The following AGMO variants were observed in gnomAD, a reference collection of about 807,000 sequenced individuals.
AGMO encodes the protein glyceryl-ether monooxygenase.
AGMO carries 75 observed loss-of-function variants against 60.2 expected under a neutral mutation model. That is an observed-to-expected ratio of 1.25 (90% confidence interval 1.03 to 1.51). The LOEUF (loss-of-function observed/expected upper bound fraction) is 1.51, where lower values mean the gene tolerates loss of function less well. Among genes scored for constraint, AGMO ranks in the 40% most tolerant of loss-of-function variants. The pLI is 0.00. For synonymous variants in AGMO, 261 were observed against 177.1 expected, an observed-to-expected ratio of 1.47 and a Z score of -3.76; for missense variants, 763 against 525.5, an observed-to-expected ratio of 1.45 and a Z score of -4.42.
chr7:15,237,354 G>A (rs1053836124), intron 12 of AGMO, among the ~76,000 whole-genome samples: 2 of 152,110 alleles, frequency 1.3e-5, no homozygotes, highest in African/African-American at 4.8e-5. Context: ...AGAAGCTCAT[G>A]CAGGCTTTCT....
At chr7:15,392,309 C>G (rs1257228379) in intron 6 of AGMO, among the ~76,000 whole-genome samples, 1 of 121,862 alleles carries the variant, frequency 8.2e-6, no homozygotes, top group Non-Finnish European at 1.7e-5. Flanking sequence ...CTCCTGACCT[C>G]GTGATCCGCG....
chr7:15,206,606 A>G (rs1339076751), intron 12 of AGMO, among the ~76,000 whole-genome samples: 5 of 152,158 alleles, frequency 3.3e-5, no homozygotes, highest in Admixed American at 3.3e-4. Context: ...CAATGTAAAA[A>G]GAAAGTTCAT....
intron 12 of AGMO, among the ~76,000 whole-genome samples, chr7:15,354,706 T>C (rs1782453326): frequency 6.7e-6 from 1 of 149,840 alleles, no homozygotes; most frequent in South Asian, 2.1e-4. Context: ...AGTTAGAAGT[T>C]AAGAAAGAAG....
rs541197652 is a variant in AGMO at position 15,366,867 on chromosome 7, G to T, written c.1075-645C>A. On this transcript the variant is annotated intron_variant, in intron 10 of 12. Coordinates refer to ENST00000342526, the MANE Select transcript of AGMO (RefSeq NM_001004320.2). ...GACTTTGAGCCAAGGGAAAGAATGA[G>T]TACTATCTTTCCAGGTATCTTAAGG... Among the ~76,000 whole-genome samples, 4 of 152,098 alleles carry T rather than the reference G, an allele frequency of 2.6e-5. No individual in the cohort carries two copies. In the East Asian group the frequency reaches 7.7e-4, roughly 29 times the overall value.
intron 3 of AGMO, among the ~76,000 whole-genome samples, chr7:15,467,696 A>G (rs561043520): frequency 1.2e-4 from 18 of 152,170 alleles, no homozygotes; most frequent in Non-Finnish European, 2.2e-4. Context: ...AATAACATGT[A>G]TCTGTATTTT....
chr7:15,193,951 A>C, the AGMO span, among the ~76,000 whole-genome samples: 1 of 152,192 alleles, frequency 6.6e-6, no homozygotes, highest in African/African-American at 2.4e-5. Flanking sequence ...TTAAATTTTC[A>C]CAATATACCT....
intron 12 of AGMO, among the ~76,000 whole-genome samples, chr7:15,239,129 C>T (rs1782513862): frequency 6.6e-6 from 1 of 152,052 alleles, no homozygotes; most frequent in Admixed American, 6.5e-5. Context: ...TGCCTGCTCT[C>T]CAAGCACCAT....
intron 12 of AGMO, among the ~76,000 whole-genome samples, chr7:15,253,374 C>T (rs933331713): frequency 1.3e-5 from 2 of 151,954 alleles, no homozygotes; most frequent in Admixed American, 1.3e-4. Flanking sequence ...GGGAGTAAGA[C>T]TATCAGCTAA....
At chr7:15,546,793 C>T (rs539274057) in intron 2 of AGMO, among the ~76,000 whole-genome samples, 8 of 152,350 alleles carry the variant, frequency 5.3e-5, no homozygotes, top group African/African-American at 1.4e-4. Flanking sequence ...AGAACAAATT[C>T]TACTGTAAAT....
At chr7:15,222,010 G>A (rs546236087) in intron 12 of AGMO, among the ~76,000 whole-genome samples, 1 of 152,076 alleles carries the variant, frequency 6.6e-6, no homozygotes, top group East Asian at 1.9e-4. Context: ...CTTATGATTA[G>A]TTATTCAGTT....
At position 15,431,057 on chromosome 7, in the gene AGMO, T is replaced by C. The variant is rs1329943212; in HGVS notation, c.461A>G (p.Tyr154Cys). ...GHQTHHSSED[Y>C]NLSTALRQSV... Reference sequence around the variant, plus strand: ...CTGTCTCAGTGCTGTGGATAAGTTATAGTCTTCAGAACTATGATGTGTTTG... The same window carrying C: ...CTGTCTCAGTGCTGTGGATAAGTTACAGTCTTCAGAACTATGATGTGTTTG... The change falls in exon 4 of 13, where the codon TAT (tyrosine) becomes TGT (cysteine). Residue 154 changes from tyrosine to cysteine, a missense_variant. Transcript: ENST00000342526. 3.1e-6 allele frequency: 5 copies of C among 1,611,448 alleles called. No individual in the cohort carries two copies. Among genetic ancestry groups the C allele is most frequent in the Non-Finnish European group, 3.4e-6 (4 of 1,178,292 alleles).
At chr7:15,485,748 T>C (rs753984839) in intron 3 of AGMO, among the ~76,000 whole-genome samples, 52 of 151,962 alleles carry the variant, frequency 3.4e-4, no homozygotes, top group Non-Finnish European at 6.8e-4. Flanking sequence ...TTACCAGGAT[T>C]GTGTTACTCC....
intron 9 of AGMO, among the ~76,000 whole-genome samples, chr7:15,386,963 C>T (rs1783939006): frequency 6.6e-6 from 1 of 152,098 alleles, no homozygotes. Context: ...ACCCAAAATC[C>T]ACACTGTCTT....
chr7:15,346,662 A>AC (rs1782045491), intron 12 of AGMO, among the ~76,000 whole-genome samples: 1 of 151,752 alleles, frequency 6.6e-6, no homozygotes, highest in Admixed American at 6.6e-5. Context: ...GAAATATCCA[A>AC]CCATTTTATT....
intron 12 of AGMO, among the ~76,000 whole-genome samples, chr7:15,207,725 G>C (rs1781476064): frequency 6.6e-6 from 1 of 152,126 alleles, no homozygotes; most frequent in Non-Finnish European, 1.5e-5. Context: ...ACGAGGTCAG[G>C]AGATCGAGAC....
At chr7:15,561,260 G>A (rs997599778) in intron 1 of AGMO, among the ~76,000 whole-genome samples, 1 of 152,168 alleles carries the variant, frequency 6.6e-6, no homozygotes, top group African/African-American at 2.4e-5. Flanking sequence ...TCAAACTTAG[G>A]AAGTCAGAGC....
At chr7:15,343,540 G>A (rs1410229037) in intron 12 of AGMO, among the ~76,000 whole-genome samples, 1 of 152,048 alleles carries the variant, frequency 6.6e-6, no homozygotes, top group Non-Finnish European at 1.5e-5. Flanking sequence ...TAGTCTTTCA[G>A]GACTTATTAC....
chr7:15,504,838 T>C (rs1019575801), intron 3 of AGMO, among the ~76,000 whole-genome samples: 1 of 151,692 alleles, frequency 6.6e-6, no homozygotes, highest in African/African-American at 2.4e-5. Context: ...AGAATGTCCC[T>C]AATCTGGAAC....
chr7:15,177,058 C>T, the AGMO span, among the ~76,000 whole-genome samples: 76 of 151,892 alleles, frequency 5.0e-4, no homozygotes, highest in Middle Eastern at 0.01. Flanking sequence ...ATTTCATAAA[C>T]ATAAAAAGGT....
Sources: allele counts gnomAD v4.1 joint callset (sites outside exome capture counted in the v4.1 genomes callset), GRCh38; gene constraint gnomAD v4.1.1; transcripts MANE v1.5; gene names NCBI Gene and HGNC (gene_info 2026-07-23, HGNC 2026-07-21).